The following JARID2 variants were observed in gnomAD, a reference collection of about 807,000 sequenced individuals.
JARID2 encodes protein Jumonji.
In JARID2, 21 loss-of-function variants were observed where a neutral mutation model predicts 125.6. The observed-to-expected ratio is 0.17, with a 90% CI of 0.12 to 0.24. JARID2 has a LOEUF of 0.24. Among genes scored for constraint, JARID2 ranks in the 10% least tolerant of loss-of-function variants. The pLI, the probability that JARID2 is intolerant of heterozygous loss-of-function variation, is 1.00. For missense variants in JARID2, 1,303 were observed against 1,639.6 expected, an observed-to-expected ratio of 0.79 and a Z score of 3.55; for synonymous variants, 736 against 661.6, an observed-to-expected ratio of 1.11 and a Z score of -1.73.
intron 4 of JARID2, among the ~76,000 whole-genome samples, chr6:15,456,603 G>A (rs1045912912): frequency 4.6e-5 from 7 of 150,908 alleles, no homozygotes; most frequent in Non-Finnish European, 1.0e-4. Context: ...TTTTTTTCCC[G>A]GGAGGATAAG....
intron 6 of JARID2, 141 bp downstream of exon 6, chr6:15,487,683 C>G: frequency 2.7e-6 from 2 of 751,376 alleles, no homozygotes; most frequent in Non-Finnish European, 4.3e-6. Context: ...CAGAGCGCAC[C>G]TTTGCATGAG....
At chr6:15,366,778 G>T (rs778546201) in intron 1 of JARID2, among the ~76,000 whole-genome samples, 1 of 151,810 alleles carries the variant, frequency 6.6e-6, no homozygotes, top group African/African-American at 2.4e-5. Flanking sequence ...AGCACCTTCC[G>T]TAAGTGCACC....
At chr6:15,482,858 T>C (rs1176730356) in intron 5 of JARID2, among the ~76,000 whole-genome samples, 1 of 152,234 alleles carries the variant, frequency 6.6e-6, no homozygotes, top group Non-Finnish European at 1.5e-5. Flanking sequence ...CTTTAACCCA[T>C]GCACTGTTTT....
At chr6:15,463,425 C>CTT (rs745347518) in intron 4 of JARID2, among the ~76,000 whole-genome samples, 47 of 88,466 alleles carry the variant, frequency 5.3e-4, no homozygotes, top group African/African-American at 2.1e-3. Flanking sequence ...GAGCCCTTTC[C>CTT]TTTTTTTTTT....
At chr6:15,367,829 A>C (rs1433827141) in intron 1 of JARID2, among the ~76,000 whole-genome samples, 1 of 152,162 alleles carries the variant, frequency 6.6e-6, no homozygotes, top group Non-Finnish European at 1.5e-5. Flanking sequence ...CTGTTAGTAC[A>C]ATCATGATGG....
chr6:15,269,458 C>T (rs1490008573), intron 1 of JARID2, among the ~76,000 whole-genome samples: 2 of 152,064 alleles, frequency 1.3e-5, no homozygotes, highest in Non-Finnish European at 2.9e-5. Flanking sequence ...AACTCTTGGG[C>T]TCAAGAGATC....
rs763123477 is a variant in JARID2, at chr6:15,452,085, C to G, written c.403C>G (p.Pro135Ala). 3 of 1,613,894 alleles carry G rather than the reference C, an allele frequency of 1.9e-6. No homozygotes were observed. The highest frequency in any genetic ancestry group is 2.5e-6 in the Non-Finnish European group (3 of 1,179,948). Residue 135 changes from proline to alanine, a missense_variant, in exon 4 of 18, where the codon CCA (proline) becomes GCA (alanine). Physicochemically the swap from Pro to Ala is conservative, Grantham distance 27 (BLOSUM62 -1). Transcript: ENST00000341776. ...CACAACTCCAGTAAAGATAGTGGAGCCATTGCTACCCCCTCCAGCTACTCA... is the reference window on the plus strand; with the variant it reads ...CACAACTCCAGTAAAGATAGTGGAGGCATTGCTACCCCCTCCAGCTACTCA... Reference protein sequence around the residue: ...PSTTPVKIVEPLLPPPATQIS... With the variant: ...PSTTPVKIVEALLPPPATQIS...
chr6:15,508,265 G>T (rs759671358), intron 11 of JARID2, 75 bp from the exon 12 acceptor site: 6 of 780,150 alleles, frequency 7.7e-6, no homozygotes, highest in Non-Finnish European at 1.4e-5. Context: ...GGAAGAAAGA[G>T]ATTTTTACTT....
chr6:15,510,259 C>T (rs1581665474), intron 12 of JARID2, among the ~76,000 whole-genome samples: 1 of 152,148 alleles, frequency 6.6e-6, no homozygotes, highest in East Asian at 1.9e-4. Context: ...CTCCTCTTGC[C>T]TGGGGAGGAG....
intron 2 of JARID2, among the ~76,000 whole-genome samples, chr6:15,391,194 T>C (rs753917036): frequency 9.2e-5 from 14 of 152,164 alleles, no homozygotes; most frequent in African/African-American, 3.4e-4. Flanking sequence ...GGCCTCACCC[T>C]AGGGCTTGGC....
At chr6:15,486,901 C>T (rs1167063281) in intron 5 of JARID2, among the ~76,000 whole-genome samples, 1 of 143,864 alleles carries the variant, frequency 7.0e-6, no homozygotes, top group Non-Finnish European at 1.5e-5. Context: ...AGTCCATTCT[C>T]ACACTGCTAT....
chr6:15,259,051 C>T (rs1030470933), intron 1 of JARID2, among the ~76,000 whole-genome samples: 5 of 152,228 alleles, frequency 3.3e-5, no homozygotes, highest in Middle Eastern at 3.2e-3. Flanking sequence ...TCTTTACACC[C>T]AGACATATTT....
intron 1 of JARID2, among the ~76,000 whole-genome samples, chr6:15,253,261 C>T (rs1373216781): frequency 6.6e-6 from 1 of 152,124 alleles, no homozygotes; most frequent in Admixed American, 6.5e-5. Flanking sequence ...GACGGGGTTT[C>T]ACTATGTTGG....
intron 1 of JARID2, among the ~76,000 whole-genome samples, chr6:15,367,805 C>T (rs922711229): frequency 1.3e-5 from 2 of 152,172 alleles, no homozygotes; most frequent in Non-Finnish European, 1.5e-5. Context: ...TCCTGCTTCC[C>T]CAGGAGAGGT....
At chr6:15,452,269 G>T in intron 4 of JARID2, 94 bp downstream of exon 4, 7 of 1,495,318 alleles carry the variant, frequency 4.7e-6, no homozygotes, top group Non-Finnish European at 6.2e-6. Context: ...TCTCTGCCAT[G>T]TTCATTTTTC....
At chr6:15,317,739 C>T (rs185760537) in intron 1 of JARID2, among the ~76,000 whole-genome samples, 59 of 152,104 alleles carry the variant, frequency 3.9e-4, no homozygotes, top group African/African-American at 1.3e-3. Flanking sequence ...GCCATGGCTG[C>T]GTGGGTGTTT....
At position 15,486,202 on chromosome 6, in the gene JARID2, G is replaced by A. The variant is rs184682111; in HGVS notation, c.671-1105G>A. 5.0e-4 allele frequency among the ~76,000 whole-genome samples: 76 copies of A among 152,372 alleles called. No individual in the cohort carries two copies. The East Asian group carries it at 0.014, about 28-fold the overall frequency. ...TCCCTGAAGAAACAGGCCCTGTTTG[G>A]ACTGTTTGTGGGGAGACAAGGCCTG... On this transcript the variant is annotated intron_variant, in intron 5 of 17. Transcript: ENST00000341776.
At chr6:15,452,307 TGAAAGTGA>T (rs1767953539) in intron 4 of JARID2, 132 bp downstream of exon 4, 1 of 1,356,652 alleles carries the variant, frequency 7.4e-7, no homozygotes, top group African/African-American at 1.5e-5. Flanking sequence ...GAGGGGGAAT[TGAAAGTGA>T]GAAATCCCAC....
chr6:15,344,398 T>G (rs11968075), intron 1 of JARID2, among the ~76,000 whole-genome samples: 4 of 151,984 alleles, frequency 2.6e-5, no homozygotes, highest in African/African-American at 9.7e-5. Context: ...TCGGCTGATG[T>G]AATGAAAAAT....
Sources: allele counts gnomAD v4.1 joint callset (sites outside exome capture counted in the v4.1 genomes callset), GRCh38; gene constraint gnomAD v4.1.1; transcripts MANE v1.5; gene names NCBI Gene and HGNC (gene_info 2026-07-23, HGNC 2026-07-21).